Variants in CNOT8 observed in about 807,000 individuals in gnomAD.
The protein encoded by CNOT8 is CCR4-NOT transcription complex subunit 8.
Under a neutral mutation model 34.6 loss-of-function variants are expected in CNOT8, and 18 were observed. The observed-to-expected ratio is 0.52, with a 90% CI of 0.36 to 0.77. The LOEUF is 0.77. CNOT8 is among the 30% of genes least tolerant of loss of function. The pLI is 0.00. For missense variants in CNOT8, 189 were observed against 347.9 expected, an observed-to-expected ratio of 0.54 and a Z score of 3.63; for synonymous variants, 101 against 118.8, an observed-to-expected ratio of 0.85 and a Z score of 0.98.
intron 6 of CNOT8, 152 bp from the exon 7 acceptor site, chr5:154,875,138 A>G: frequency 1.3e-6 from 1 of 762,420 alleles, no homozygotes; most frequent in Non-Finnish European, 2.1e-6. Flanking sequence ...GCTGGTCTCG[A>G]CCTCCTGACC....
chr5:154,870,936 C>T, intron 4 of CNOT8, 114 bp downstream of exon 4: 1 of 889,636 alleles, frequency 1.1e-6, no homozygotes, highest in Non-Finnish European at 1.7e-6. Flanking sequence ...CAGCAGCAGC[C>T]AGAAGTTGAA....
At chr5:154,865,914 C>T (rs528622222) in intron 3 of CNOT8, among the ~76,000 whole-genome samples, 1 of 152,136 alleles carries the variant, frequency 6.6e-6, no homozygotes, top group Non-Finnish European at 1.5e-5. Flanking sequence ...TTTGTTTATT[C>T]ATCTGTTGAT....
At chr5:154,859,619 G>A (rs1761129855) in intron 1 of CNOT8, 1 of 152,238 alleles carries the variant, frequency 6.6e-6, no homozygotes, top group Admixed American at 6.5e-5. Flanking sequence ...GAATAAGGAA[G>A]TGATGTTTAT....
intron 1 of CNOT8, among the ~76,000 whole-genome samples, chr5:154,862,822 T>G (rs1761477112): frequency 6.6e-6 from 1 of 152,200 alleles, no homozygotes; most frequent in Admixed American, 6.5e-5. Flanking sequence ...AGATGATTCC[T>G]GTAGGACTGT....
chr5:154,863,577 A>G (rs1175351284), intron 2 of CNOT8, among the ~76,000 whole-genome samples, 182 bp downstream of exon 2: 1 of 152,172 alleles, frequency 6.6e-6, no homozygotes, highest in Non-Finnish European at 1.5e-5. Flanking sequence ...CTGCAGGCTC[A>G]TACCACTATG....
intron 1 of CNOT8, among the ~76,000 whole-genome samples, 155 bp from the exon 2 acceptor site, chr5:154,863,052 G>A (rs1761504938): frequency 6.6e-6 from 1 of 152,074 alleles, no homozygotes; most frequent in African/African-American, 2.4e-5. Context: ...TGTGTGTGTT[G>A]ACAAAGTTTC....
In CNOT8 at chr5:154,860,326, G is replaced by A. The variant is rs185164970; in HGVS notation, c.-73+1558G>A. The stretch of plus-strand genomic sequence containing the variant: ...ATGATGATGATGATTTTTTTGAGAC[G>A]TGCTCTTGCTCAGTCGCTGAGGCTG... On this transcript the variant is annotated intron_variant, in intron 1 of 6. Coordinates refer to ENST00000285896, the MANE Select transcript of CNOT8 (RefSeq NM_001301073.2). 4.6e-5 allele frequency among the ~76,000 whole-genome samples: 7 copies of A among 152,150 alleles called. No homozygotes were observed. The East Asian group carries it at 1.2e-3, about 25-fold the overall frequency.
chr5:154,875,693 C>T lies in CNOT8; in HGVS notation c.*254C>T. 2.6e-6 allele frequency: 1 copy of T among 381,862 alleles called. No homozygotes were observed. The highest frequency in any genetic ancestry group is 4.9e-5 in the East Asian group (1 of 20,448). The allele number at this position is 381,862 out of a possible 1,614,324, so 23.7% of individuals were successfully genotyped here. ...TCGAGCCTCTCCTCTCTGGTTGCCT[C>T]CTGCCACCAGCATCCATGGCTCATT... On this transcript the variant is annotated 3_prime_UTR_variant, in exon 7 of 7. Transcript: ENST00000285896.
chr5:154,860,951 G>T (rs114782155), intron 1 of CNOT8, among the ~76,000 whole-genome samples: 63 of 152,130 alleles, frequency 4.1e-4, no homozygotes, highest in African/African-American at 1.5e-3. Context: ...TTGCTTTTAC[G>T]GAAACATCTC....
chr5:154,870,861 G>A (rs773637490), intron 4 of CNOT8, 39 bp downstream of exon 4: 1 of 1,543,312 alleles, frequency 6.5e-7, no homozygotes, highest in Admixed American at 1.9e-5. Context: ...CTCACTTTGG[G>A]CTACACTGAA....
At chr5:154,865,483 G>T (rs2113298919) in intron 3 of CNOT8, 98 bp downstream of exon 3, 1 of 725,756 alleles carries the variant, frequency 1.4e-6, no homozygotes, top group Non-Finnish European at 2.1e-6. Flanking sequence ...ACGGAACAGG[G>T]AATCTCAGCA....
At chr5:154,868,965 C>T (rs1762187215) in intron 3 of CNOT8, among the ~76,000 whole-genome samples, 1 of 152,196 alleles carries the variant, frequency 6.6e-6, no homozygotes, top group Admixed American at 6.5e-5. Context: ...CTCAGTGGCA[C>T]ATTTCTCAGC....
chr5:154,873,302 G>A (rs1335348790), intron 6 of CNOT8, among the ~76,000 whole-genome samples: 7 of 152,212 alleles, frequency 4.6e-5, no homozygotes, highest in Non-Finnish European at 2.9e-5. Flanking sequence ...GGCAAAAGCA[G>A]CATTCTGACG....
chr5:154,868,263 C>CT (rs200482243), intron 3 of CNOT8, among the ~76,000 whole-genome samples: 9,266 of 124,332 alleles, frequency 0.075, 391 homozygotes, highest in African/African-American at 0.13. Context: ...TTTTTCTTTT[C>CT]TTTTCTTTTT....
intron 1 of CNOT8, among the ~76,000 whole-genome samples, chr5:154,862,174 A>G (rs1211428572): frequency 6.6e-6 from 1 of 152,194 alleles, no homozygotes; most frequent in African/African-American, 2.4e-5. Context: ...TACACCAGCC[A>G]TCTTTAGTCC....
At chr5:154,872,778 AT>A in intron 6 of CNOT8, 127 bp downstream of exon 6, 69 of 372,860 alleles carry the variant, frequency 1.9e-4, no homozygotes, top group Non-Finnish European at 2.3e-4. Context: ...TTTATTATTT[AT>A]TTTTTTTGAG....
intron 6 of CNOT8, among the ~76,000 whole-genome samples, chr5:154,873,258 T>A (rs1413172090): frequency 1.3e-5 from 2 of 152,214 alleles, no homozygotes; most frequent in Non-Finnish European, 2.9e-5. Flanking sequence ...TGGTTGTTTT[T>A]TGTTATGGTA....
intron 5 of CNOT8, 75 bp from the exon 6 acceptor site, chr5:154,872,466 A>C (rs555665377): frequency 3.5e-6 from 3 of 850,144 alleles, no homozygotes; most frequent in South Asian, 3.3e-5. Context: ...CAGTGAACTC[A>C]TAACTGCACT....
At position 154,875,540 on chromosome 5, in the gene CNOT8, C is replaced by G. The variant is rs768351431; in HGVS notation, c.*101C>G. 93 of 1,263,434 alleles carry G rather than the reference C, an allele frequency of 7.4e-5. No homozygotes were observed. The highest frequency in any genetic ancestry group is 1.0e-4 in the Non-Finnish European group (92 of 921,458). The allele number at this position is 1,263,434 out of a possible 1,614,324, so 78.3% of individuals were successfully genotyped here. On this transcript the variant is annotated 3_prime_UTR_variant, in exon 7 of 7. Coordinates refer to ENST00000285896, the MANE Select transcript of CNOT8 (RefSeq NM_001301073.2). ...AGAGAAAATGCTTCTTTTGAGCACA[C>G]TGTACCTACCATCTGCATTGAGCAG...
Sources: gnomAD v4.1 joint callset for allele counts (sites outside exome capture counted in the v4.1 genomes callset) on GRCh38, gnomAD v4.1.1 for gene constraint, MANE v1.5 for transcripts, NCBI Gene and HGNC (gene_info 2026-07-23, HGNC 2026-07-21) for gene names.